The following VWA5B1 variants were observed in gnomAD, a reference collection of about 807,000 sequenced individuals.
VWA5B1 encodes von Willebrand factor A domain-containing protein 5B1.
Under a neutral mutation model 118.2 loss-of-function variants are expected in VWA5B1, and 115 were observed. That is an observed-to-expected ratio of 0.97 (90% CI 0.84 to 1.14). The LOEUF is 1.14. Among genes scored for constraint, VWA5B1 ranks in the 50% most tolerant of loss-of-function variants. VWA5B1 has a pLI of 0.00. For synonymous variants in VWA5B1, 682 were observed against 658.4 expected (o/e 1.04, Z -0.55); for missense variants, 1,596 against 1,603.8 (o/e 1.00, Z 0.08).
At chr1:20,328,723 G>A (rs1216081901) in intron 9 of VWA5B1, among the ~76,000 whole-genome samples, 1 of 152,166 alleles carries the variant, frequency 6.6e-6, no homozygotes, top group Non-Finnish European at 1.5e-5. Context: ...AGCCTGGGCA[G>A]GACAGTGAGA....
chr1:20,348,467 G>A, intron 18 of VWA5B1, 109 bp downstream of exon 18: 1 of 1,179,276 alleles, frequency 8.5e-7, no homozygotes, highest in Non-Finnish European at 1.2e-6. Context: ...CTCTGAGTCT[G>A]CACTGTGGGC....
At chr1:20,329,853 C>T (rs2089494534) in intron 9 of VWA5B1, among the ~76,000 whole-genome samples, 1 of 152,172 alleles carries the variant, frequency 6.6e-6, no homozygotes, top group Admixed American at 6.5e-5. Context: ...TCACACCACC[C>T]ACCTCCCTCA....
chr1:20,298,172 C>T (rs1324736583), intron 1 of VWA5B1, among the ~76,000 whole-genome samples: 1 of 151,778 alleles, frequency 6.6e-6, no homozygotes, highest in Non-Finnish European at 1.5e-5. Context: ...CCACACCTAG[C>T]TAATTTTTGT....
At chr1:20,291,729 C>T (rs898895449) in intron 1 of VWA5B1, among the ~76,000 whole-genome samples, 8 of 152,176 alleles carry the variant, frequency 5.3e-5, no homozygotes, top group African/African-American at 1.7e-4. Context: ...CCAGAGCCAC[C>T]GGCCAAGGGC....
chr1:20,310,499 T>A, intron 1 of VWA5B1, 77 bp from the exon 2 acceptor site: 1 of 1,329,736 alleles, frequency 7.5e-7, no homozygotes, highest in Non-Finnish European at 9.9e-7. Context: ...TGCTTGAGGG[T>A]GTCTGAAACG....
At chr1:20,323,265 G>C in intron 7 of VWA5B1, 91 bp from the exon 8 acceptor site, 3 of 1,228,490 alleles carry the variant, frequency 2.4e-6, no homozygotes, top group Non-Finnish European at 3.2e-6. Flanking sequence ...AGCAGGATGT[G>C]GGTGCACGGT....
intron 14 of VWA5B1, chr1:20,338,200 A>G: frequency 2.4e-6 from 1 of 417,446 alleles, no homozygotes; most frequent in Admixed American, 2.6e-5. Flanking sequence ...CACTTATCCA[A>G]GGTCACACAG....
rs925006017 is a variant in VWA5B1, at chr1:20,354,667, G to A, written c.*404G>A. 22 of 207,814 alleles carry A rather than the reference G, an allele frequency of 1.1e-4. No homozygotes were observed. The highest frequency in any genetic ancestry group is 4.9e-4 in the African/African-American group (21 of 42,708). 12.9% of individuals were successfully genotyped at this position (207,814 alleles called of 1,614,324 possible). ...ACCACGTGGGCACGGAGTGGACACA[G>A]CAATGCCCACTCAAATAAAAGGGCA... On this transcript the variant is annotated 3_prime_UTR_variant, in exon 22 of 22. Transcript: ENST00000289815.
intron 1 of VWA5B1, among the ~76,000 whole-genome samples, chr1:20,307,280 C>G (rs1344676779): frequency 1.3e-5 from 2 of 152,194 alleles, no homozygotes; most frequent in Non-Finnish European, 2.9e-5. Context: ...TTTCCTGTGG[C>G]CCGCGCCCAC....
At chr1:20,301,357 C>T (rs1465653801) in intron 1 of VWA5B1, among the ~76,000 whole-genome samples, 1 of 152,224 alleles carries the variant, frequency 6.6e-6, no homozygotes, top group Non-Finnish European at 1.5e-5. Context: ...CCTTGCAAGC[C>T]TCTCAATAAC....
chr1:20,326,714 G>A (rs1194717311), intron 8 of VWA5B1, among the ~76,000 whole-genome samples: 1 of 152,016 alleles, frequency 6.6e-6, no homozygotes, highest in East Asian at 1.9e-4. Flanking sequence ...CTCCCAAAGT[G>A]CTCGGATTAC....
In VWA5B1 at chr1:20,350,927, G is replaced by A. The variant is rs757916922; in HGVS notation, c.3023+1G>A. The A allele has an allele frequency of 6.4e-7, 1 of 1,551,866 alleles. No individual in the cohort carries two copies. Among genetic ancestry groups the A allele is most frequent in the South Asian group, 1.2e-5 (1 of 84,052 alleles). On this transcript the variant is annotated splice_donor_variant, in intron 20 of 21. Transcript: ENST00000289815. LOFTEE classifies it high-confidence loss of function. ...CCTCAGAGAATCTCTTTGGATCCTGGTAGGTGGGATTTCCAATAAAGGTAC... is the reference window on the plus strand; with the variant it reads ...CCTCAGAGAATCTCTTTGGATCCTGATAGGTGGGATTTCCAATAAAGGTAC...
chr1:20,331,766 G>T (rs904076089), intron 11 of VWA5B1, among the ~76,000 whole-genome samples: 1 of 152,066 alleles, frequency 6.6e-6, no homozygotes, highest in East Asian at 1.9e-4. Context: ...AAAAGCTGGG[G>T]TGCTGCATCT....
chr1:20,332,484 TA>T (rs1190680437), intron 11 of VWA5B1, among the ~76,000 whole-genome samples: 156 of 54,964 alleles, frequency 2.8e-3, no homozygotes, highest in African/African-American at 0.019. Context: ...TGTCTCAAAA[TA>T]AAATAAAATA....
At chr1:20,291,914 A>G (rs76640941) in intron 1 of VWA5B1, among the ~76,000 whole-genome samples, 8,077 of 152,184 alleles carry the variant, frequency 0.053, 663 homozygotes, top group African/African-American at 0.18. Context: ...CAGCCCCAAC[A>G]GTTCCACCCC....
chr1:20,345,314 T>C (rs61770716), intron 16 of VWA5B1, 142 bp from the exon 17 acceptor site: 24,930 of 1,013,380 alleles, frequency 0.025, 412 homozygotes, highest in South Asian at 0.029. Context: ...GTTAGCAAGT[T>C]GGCAAGCCCT....
In VWA5B1 at chr1:20,342,431, G is replaced by C; in HGVS notation, c.2134-1G>C. 1 of 1,550,414 alleles carries C rather than the reference G, an allele frequency of 6.4e-7. No homozygotes were observed. On this transcript the variant is annotated splice_acceptor_variant, in intron 14 of 21. Coordinates refer to ENST00000289815, the MANE Select transcript of VWA5B1 (RefSeq NM_001039500.3). LOFTEE classifies it high-confidence loss of function. ...TTCTCTTTCTCCTCTTCCATCCCTA[G>C]CCCTTGCTGAACAGTGGTCAGGACC...
At position 20,354,225 on chromosome 1, in the gene VWA5B1, G is replaced by A. The variant is rs2072751; in HGVS notation, c.3610G>A (p.Glu1204Lys). The A allele has an allele frequency of 0.24, 369,541 of 1,549,744 alleles. 45,063 individuals carry two copies. The highest frequency in any genetic ancestry group is 0.33 in the East Asian group (13,320 of 40,860). Reference protein sequence around the residue: ...VLLRHWDENLEFNMLCYNPNY... With the variant: ...VLLRHWDENLKFNMLCYNPNY... ...TCTGCGGCACTGGGATGAGAATCTC[G>A]AGTTCAATATGCTCTGCTATAACCC... The change falls in exon 22 of 22, where the codon GAG becomes AAG. Residue 1204 changes from glutamate to lysine, a missense_variant. Glu to Lys is a moderately conservative substitution (Grantham distance 56). Transcript: ENST00000289815.
At position 20,358,445 on chromosome 1, in the gene VWA5B1, G is replaced by T. The variant is rs992758593; in HGVS notation, c.*4182G>T. Among the ~76,000 whole-genome samples the T allele has an allele frequency of 1.3e-5, 2 of 152,180 alleles. No homozygotes were observed. Among genetic ancestry groups the T allele is most frequent in the African/African-American group, 4.8e-5 (2 of 41,442 alleles). On this transcript the variant is annotated 3_prime_UTR_variant, in exon 22 of 22. Transcript: ENST00000289815. ...TCCTTGGCAGGGACTCCCCATGAGA[G>T]GGAAGGAGGAAAGGGGGTCTCCCCT...
Sources: allele counts gnomAD v4.1 joint callset (sites outside exome capture counted in the v4.1 genomes callset), GRCh38; gene constraint gnomAD v4.1.1; transcripts MANE v1.5; gene names NCBI Gene and HGNC (gene_info 2026-07-23, HGNC 2026-07-21).